The following C2CD5 variants were observed in gnomAD, a reference collection of about 807,000 sequenced individuals.
C2CD5 encodes the protein C2 calcium dependent domain containing 5.
C2CD5 carries 109 observed loss-of-function variants against 130.3 expected under a neutral mutation model. The observed-to-expected ratio is 0.84, with a 90% CI of 0.72 to 0.98. C2CD5 has a LOEUF of 0.98. Ranked by LOEUF, C2CD5 falls within the 50% of genes least tolerant of loss-of-function variation. C2CD5 has a pLI of 0.00. For missense variants in C2CD5, 996 were observed against 1,261.8 expected, an observed-to-expected ratio of 0.79 and a Z score of 3.19; for synonymous variants, 454 against 429.2, an observed-to-expected ratio of 1.06 and a Z score of -0.71.
At chr12:22,492,527 T>G (rs545903228) in intron 11 of C2CD5, among the ~76,000 whole-genome samples, 7 of 152,118 alleles carry the variant, frequency 4.6e-5, no homozygotes, top group South Asian at 4.1e-4. Flanking sequence ...GACTTGAGAA[T>G]AAGAAACTAT....
chr12:22,537,961 A>G (rs1226288581), intron 2 of C2CD5, among the ~76,000 whole-genome samples: 1 of 151,696 alleles, frequency 6.6e-6, no homozygotes, highest in Non-Finnish European at 1.5e-5. Context: ...TTGAAGAATT[A>G]TTTGGTCTTC....
intron 7 of C2CD5, chr12:22,519,084 C>A: frequency 6.6e-7 from 1 of 1,525,648 alleles, no homozygotes; most frequent in Non-Finnish European, 8.8e-7. Context: ...GCCTGCATCT[C>A]CCCAGCTCTG....
intron 8 of C2CD5, among the ~76,000 whole-genome samples, chr12:22,513,870 A>G (rs1429546374): frequency 6.6e-6 from 1 of 152,160 alleles, no homozygotes; most frequent in Non-Finnish European, 1.5e-5. Flanking sequence ...AATATAGTCA[A>G]ATCTATTTTC....
intron 7 of C2CD5, chr12:22,519,300 G>A: frequency 1.4e-6 from 2 of 1,395,160 alleles, no homozygotes; most frequent in Non-Finnish European, 1.9e-6. Context: ...AGATTGCAGA[G>A]TTATGTTAAA....
At chr12:22,459,603 T>C (rs1591936754) in intron 22 of C2CD5, 61 bp from the exon 23 acceptor site, 1 of 1,006,986 alleles carries the variant, frequency 9.9e-7, no homozygotes, top group Middle Eastern at 2.0e-4. Context: ...TACCTCTTCT[T>C]TGTTATTTGT....
chr12:22,528,576 T>C (rs1171147100), intron 3 of C2CD5, among the ~76,000 whole-genome samples: 1 of 152,190 alleles, frequency 6.6e-6, no homozygotes, highest in Non-Finnish European at 1.5e-5. Flanking sequence ...TCATCAAATA[T>C]AGTGGCCAGA....
chr12:22,527,400 C>T (rs1331844374), intron 4 of C2CD5, among the ~76,000 whole-genome samples: 1 of 149,106 alleles, frequency 6.7e-6, no homozygotes, highest in Non-Finnish European at 1.5e-5. Context: ...CTCACCACAA[C>T]CTCCGCCTCC....
intron 9 of C2CD5, among the ~76,000 whole-genome samples, chr12:22,511,332 A>G (rs2136831643): frequency 6.6e-6 from 1 of 152,352 alleles, no homozygotes; most frequent in Admixed American, 6.5e-5. Context: ...ATCTGAACAC[A>G]TATGGAGAGA....
At chr12:22,475,003 C>T (rs1052479476) in intron 15 of C2CD5, 112 bp from the exon 16 acceptor site, 18 of 619,268 alleles carry the variant, frequency 2.9e-5, no homozygotes, top group Non-Finnish European at 4.3e-5. Flanking sequence ...GTAAAATATA[C>T]TCAGTGAAGT....
At chr12:22,468,975 T>A (rs1252322795) in intron 22 of C2CD5, among the ~76,000 whole-genome samples, 4 of 152,152 alleles carry the variant, frequency 2.6e-5, no homozygotes, top group African/African-American at 9.7e-5. Context: ...CAAAATAAAT[T>A]TAGTGAAAAA....
intron 2 of C2CD5, among the ~76,000 whole-genome samples, chr12:22,539,071 A>AT (rs148492404): frequency 0.021 from 3,208 of 152,140 alleles, 121 homozygotes; most frequent in African/African-American, 0.07. Flanking sequence ...ACACCACAGT[A>AT]TTTTTCCTCC....
chr12:22,482,179 ATGC>A (rs1211444899), intron 14 of C2CD5, among the ~76,000 whole-genome samples: 1 of 152,132 alleles, frequency 6.6e-6, no homozygotes, highest in East Asian at 1.9e-4. Flanking sequence ...ATTGCCATGG[ATGC>A]TGCTAAGCGT....
At chr12:22,514,890 A>G in intron 8 of C2CD5, 1 of 688,276 alleles carries the variant, frequency 1.5e-6, no homozygotes, top group Non-Finnish European at 1.8e-6. Flanking sequence ...CATCTTGTAT[A>G]AAATACCCAA....
At chr12:22,529,956 T>C (rs1287017919) in intron 3 of C2CD5, among the ~76,000 whole-genome samples, 2 of 151,702 alleles carry the variant, frequency 1.3e-5, no homozygotes, top group African/African-American at 2.4e-5. Flanking sequence ...AGGCTATGTA[T>C]AGATGATGGA....
intron 12 of C2CD5, among the ~76,000 whole-genome samples, chr12:22,487,579 T>C (rs891752586): frequency 1.1e-4 from 16 of 152,094 alleles, no homozygotes; most frequent in Middle Eastern, 3.4e-3. Flanking sequence ...TGTGGAGAAA[T>C]AGGAACACTT....
At chr12:22,480,208 A>G (rs1944504934) in intron 14 of C2CD5, among the ~76,000 whole-genome samples, 2 of 152,234 alleles carry the variant, frequency 1.3e-5, no homozygotes, top group African/African-American at 4.8e-5. Context: ...CTGAGAACAC[A>G]GACTCTGGCA....
At chr12:22,470,769 C>G in intron 21 of C2CD5, 55 bp downstream of exon 21, 3 of 1,074,866 alleles carry the variant, frequency 2.8e-6, no homozygotes, top group South Asian at 2.6e-5. Flanking sequence ...TATTTTATCA[C>G]TGAACCATAA....
rs749860793 is a variant in C2CD5, at chr12:22,506,775, A to C, written c.1083T>G (p.Leu361=). The part of the protein sequence containing the change: ...FTLTAFPPGF[L]VHVGGVVSAR... Reference sequence around the variant, plus strand: ...CACTAACTACACCCCCAACGTGTACAAGGAATCCAGGAGGAAATGCCGTCA... The same window carrying C: ...CACTAACTACACCCCCAACGTGTACCAGGAATCCAGGAGGAAATGCCGTCA... The change falls in exon 10 of 27, where the codon CTT becomes CTG. Residue 361 remains leucine (L), a synonymous_variant. Transcript: ENST00000446597. 1.2e-6 allele frequency: 2 copies of C among 1,612,788 alleles called. No individual in the cohort carries two copies. The highest frequency in any genetic ancestry group is 1.7e-6 in the Non-Finnish European group (2 of 1,178,796).
intron 2 of C2CD5, among the ~76,000 whole-genome samples, chr12:22,538,365 T>C (rs1463724324): frequency 6.6e-6 from 1 of 152,174 alleles, no homozygotes; most frequent in Non-Finnish European, 1.5e-5. Context: ...ATATAAGGTT[T>C]AAATAAAATA....
Sources: allele counts gnomAD v4.1 joint callset (sites outside exome capture counted in the v4.1 genomes callset), GRCh38; gene constraint gnomAD v4.1.1; transcripts MANE v1.5; gene names NCBI Gene and HGNC (gene_info 2026-07-23, HGNC 2026-07-21).